Variants in ENTPD1 observed in about 807,000 individuals in gnomAD.
ENTPD1 encodes the protein ectonucleoside triphosphate diphosphohydrolase 1, also known as ATP diphosphohydrolase.
In ENTPD1, 33 loss-of-function variants were observed where a neutral mutation model predicts 57.0. The ratio of observed to expected loss-of-function variants is 0.58; its 90% CI spans 0.44 to 0.77. The LOEUF (loss-of-function observed/expected upper bound fraction) is 0.77, where lower values mean the gene tolerates loss of function less well. Among genes scored for constraint, ENTPD1 ranks in the 30% least tolerant of loss-of-function variants. The pLI is 0.00. For synonymous variants in ENTPD1, 202 were observed against 218.8 expected (o/e 0.92, Z 0.68); for missense variants, 501 against 603.4 (o/e 0.83, Z 1.78).
At chr10:95,744,576 A>AT (rs1164780499) in intron 1 of ENTPD1, among the ~76,000 whole-genome samples, 1 of 151,714 alleles carries the variant, frequency 6.6e-6, no homozygotes, top group Non-Finnish European at 1.5e-5. Flanking sequence ...AGCCAAGATC[A>AT]TGCTACTGAA....
At position 95,816,048 on chromosome 10, in the gene ENTPD1, C is replaced by T. The variant is rs182870858; in HGVS notation, c.17-7189C>T. 1.3e-3 allele frequency among the ~76,000 whole-genome samples: 205 copies of T among 152,264 alleles called. 2 individuals carry two copies. The highest frequency in any genetic ancestry group is 4.7e-3 in the African/African-American group (194 of 41,554). On this transcript the variant is annotated intron_variant, in intron 1 of 9. Transcript: ENST00000371205. ...GCATGCTCATCTGAGGCTTTCTTTC[C>T]TTTTCCGGTGGAGTGCTCCCGGCAA...
At chr10:95,756,983 A>T (rs543417252) in intron 1 of ENTPD1, among the ~76,000 whole-genome samples, 2 of 152,222 alleles carry the variant, frequency 1.3e-5, no homozygotes, top group African/African-American at 4.8e-5. Flanking sequence ...TCTATCTTTT[A>T]CCTCTTTTGG....
At chr10:95,828,816 T>C (rs1328835770) in intron 2 of ENTPD1, among the ~76,000 whole-genome samples, 1 of 151,210 alleles carries the variant, frequency 6.6e-6, no homozygotes, top group African/African-American at 2.4e-5. Flanking sequence ...GTTCAAGCAA[T>C]TCTCCTGCCT....
In ENTPD1 at chr10:95,871,707, A is replaced by C; in HGVS notation, c.*5324A>C. The C allele has an allele frequency of 1.0e-6, 1 of 985,442 alleles. No individual in the cohort carries two copies. The highest frequency in any genetic ancestry group is 1.2e-6 in the Non-Finnish European group (1 of 829,904). The allele number at this position is 985,442 out of a possible 1,614,324, so 61.0% of individuals were successfully genotyped here. A position where few individuals can be genotyped will look rare whatever the true frequency, so the allele number is the denominator to read the frequency against. ...AAATTAAGTTATAAATTGACACTAT[A>C]ATCAACTGACACCATGATCAGTGAT... On this transcript the variant is annotated 3_prime_UTR_variant, in exon 10 of 10. Coordinates refer to ENST00000371205, the MANE Select transcript of ENTPD1 (RefSeq NM_001776.6).
Position 95,871,334 on chromosome 10 carries a change from T to A in ENTPD1, c.*4951T>A. On this transcript the variant is annotated 3_prime_UTR_variant, in exon 10 of 10. Coordinates refer to ENST00000371205, the MANE Select transcript of ENTPD1 (RefSeq NM_001776.6). ...AAATATTATCTTTAAAAAATGTCAT[T>A]ACTTCTAAGACATCATCAGTCTGCA... 1.0e-6 allele frequency: 1 copy of A among 985,406 alleles called. No homozygotes were observed. Among genetic ancestry groups the A allele is most frequent in the Non-Finnish European group, 1.2e-6 (1 of 829,858 alleles). The allele number at this position is 985,406 out of a possible 1,614,324, so 61.0% of individuals were successfully genotyped here. A position where few individuals can be genotyped will look rare whatever the true frequency, so the allele number is the denominator to read the frequency against.
chr10:95,695,263 C>A, the ENTPD1 span, among the ~76,000 whole-genome samples: 2 of 152,086 alleles, frequency 1.3e-5, no homozygotes, highest in Admixed American at 1.3e-4. Flanking sequence ...TGAGTAGCTA[C>A]CATATTGTAC....
chr10:95,702,508 A>G, the ENTPD1 span, among the ~76,000 whole-genome samples: 5 of 152,004 alleles, frequency 3.3e-5, no homozygotes, highest in Admixed American at 6.6e-5. Flanking sequence ...ATGTGGGGAG[A>G]GTGGTAGAAA....
At chr10:95,755,294 A>G (rs895064807), upstream of ENTPD1, 5 of 185,098 alleles carry the variant, frequency 2.7e-5, no homozygotes, top group Non-Finnish European at 5.7e-5. Flanking sequence ...CAGACCTGAA[A>G]TGCTAAGGTT....
intron 1 of ENTPD1, among the ~76,000 whole-genome samples, chr10:95,714,940 C>A (rs992496475): frequency 6.6e-6 from 1 of 152,092 alleles, no homozygotes; most frequent in African/African-American, 2.4e-5. Context: ...TTTCAGTAAG[C>A]CTTGGAATTG....
chr10:95,744,545 A>G (rs7072572), intron 1 of ENTPD1, among the ~76,000 whole-genome samples: 35,141 of 151,366 alleles, frequency 0.23, 4,839 homozygotes, highest in African/African-American at 0.38. Context: ...TGCTTGAACC[A>G]GGGAGGCAGA....
intron 1 of ENTPD1, among the ~76,000 whole-genome samples, chr10:95,723,178 C>G (rs1210971056): frequency 1.3e-5 from 2 of 152,164 alleles, no homozygotes; most frequent in Non-Finnish European, 2.9e-5. Context: ...TGGAGAAGAC[C>G]TTCCATGATC....
At chr10:95,851,382 C>A (rs1414554424) in intron 7 of ENTPD1, among the ~76,000 whole-genome samples, 2 of 151,360 alleles carry the variant, frequency 1.3e-5, no homozygotes, top group Non-Finnish European at 2.9e-5. Context: ...AAAATAACAC[C>A]AATAAAATCC....
Position 95,838,924 on chromosome 10 carries a change from CT to C in ENTPD1, c.145-760del, listed in dbSNP as rs987972612. Among the ~76,000 whole-genome samples the C allele has an allele frequency of 6.7e-4, 102 of 152,008 alleles. 1 individual carries two copies. The highest frequency in any genetic ancestry group is 1.1e-3 in the Admixed American group (17 of 15,252). The stretch of plus-strand genomic sequence containing the variant: ...TCTCCTCTGCTGACTTTCTTTCCTC[CT>C]TTTTTTCTTCTTTTCATCTCCCCCT... On this transcript the variant is annotated intron_variant, in intron 2 of 9. Coordinates refer to ENST00000371205, the MANE Select transcript of ENTPD1 (RefSeq NM_001776.6).
intron 9 of ENTPD1, 26 bp from the exon 10 acceptor site, chr10:95,866,151 A>T (rs2098474139): frequency 6.2e-7 from 1 of 1,606,066 alleles, no homozygotes; most frequent in African/African-American, 1.3e-5. Context: ...CTCCAACCAC[A>T]AACAGACTTT....
chr10:95,869,929 G>T lies in ENTPD1; in HGVS notation c.*3546G>T. ...TGTGTGTTCACCTCACATGTGGCTT[G>T]TAGCTACCATACTGGACAGCACATG... On this transcript the variant is annotated 3_prime_UTR_variant, in exon 10 of 10. Coordinates refer to ENST00000371205, the MANE Select transcript of ENTPD1 (RefSeq NM_001776.6). 1.0e-6 allele frequency: 1 copy of T among 979,698 alleles called. No individual in the cohort carries two copies. The highest frequency in any genetic ancestry group is 1.2e-6 in the Non-Finnish European group (1 of 824,720). 60.7% of individuals were successfully genotyped at this position (979,698 alleles called of 1,614,324 possible). A position where few individuals can be genotyped will look rare whatever the true frequency, so the allele number is the denominator to read the frequency against.
At chr10:95,727,145 A>G (rs904514487) in intron 1 of ENTPD1, among the ~76,000 whole-genome samples, 2 of 152,182 alleles carry the variant, frequency 1.3e-5, no homozygotes, top group Admixed American at 1.3e-4. Context: ...ATGGAGCTCT[A>G]ACATTTGGAG....
chr10:95,787,487 A>T (rs763965167), intron 1 of ENTPD1, among the ~76,000 whole-genome samples: 3 of 152,174 alleles, frequency 2.0e-5, no homozygotes, highest in Non-Finnish European at 4.4e-5. Flanking sequence ...ATATAGAAGT[A>T]TGAGACTGGC....
intron 1 of ENTPD1, among the ~76,000 whole-genome samples, chr10:95,764,480 A>G (rs2098080290): frequency 6.6e-6 from 1 of 152,188 alleles, no homozygotes; most frequent in African/African-American, 2.4e-5. Flanking sequence ...TTTCCAAAGT[A>G]GCTGGACCAT....
At chr10:95,734,484 T>G (rs2097992468) in intron 1 of ENTPD1, among the ~76,000 whole-genome samples, 1 of 152,174 alleles carries the variant, frequency 6.6e-6, no homozygotes, top group Admixed American at 6.5e-5. Context: ...TAAATCATGA[T>G]ATGTTATTTG....
Sources: allele counts gnomAD v4.1 joint callset (sites outside exome capture counted in the v4.1 genomes callset), GRCh38; gene constraint gnomAD v4.1.1; transcripts MANE v1.5; gene names NCBI Gene and HGNC (gene_info 2026-07-23, HGNC 2026-07-21).